CTNNA3: variants seen among roughly 807,000 people sequenced by gnomAD.
The protein encoded by CTNNA3 is catenin alpha-3.
A neutral mutation model predicts 95.7 loss-of-function variants in CTNNA3; 76 were observed. The observed-to-expected ratio is 0.79, with a 90% confidence interval of 0.66 to 0.96. CTNNA3 has a LOEUF of 0.96. Among genes scored for constraint, CTNNA3 ranks in the 40% least tolerant of loss-of-function variants. CTNNA3 has a pLI of 0.00. For synonymous variants in CTNNA3, 431 were observed against 374.4 expected (o/e 1.15, Z -1.74); for missense variants, 1,191 against 1,089.8 (o/e 1.09, Z -1.31).
chr10:66,546,357 G>T (rs560818820), intron 10 of CTNNA3, among the ~76,000 whole-genome samples: 1 of 152,164 alleles, frequency 6.6e-6, no homozygotes, highest in South Asian at 2.1e-4. Context: ...CCCCACTTTT[G>T]TAGCATCAAA....
At chr10:66,585,818 G>A (rs1843343003) in intron 10 of CTNNA3, among the ~76,000 whole-genome samples, 1 of 151,856 alleles carries the variant, frequency 6.6e-6, no homozygotes, top group Non-Finnish European at 1.5e-5. Context: ...TTTTTGAGTT[G>A]TCATAGAACA....
intron 13 of CTNNA3, among the ~76,000 whole-genome samples, chr10:66,200,768 T>C (rs2087345542): frequency 1.3e-5 from 2 of 152,232 alleles, no homozygotes; most frequent in African/African-American, 4.8e-5. Context: ...TATTAAACAT[T>C]ACCCAGCATA....
intron 1 of CTNNA3, among the ~76,000 whole-genome samples, chr10:67,737,174 A>G (rs1166365895): frequency 6.6e-6 from 1 of 152,180 alleles, no homozygotes; most frequent in African/African-American, 2.4e-5. Context: ...AACTAGAAAT[A>G]AAACCACCAT....
intron 17 of CTNNA3, among the ~76,000 whole-genome samples, chr10:65,929,314 T>C (rs1213040911): frequency 6.6e-6 from 1 of 152,164 alleles, no homozygotes. Flanking sequence ...TTGAGAAATA[T>C]GTCTTATTGG....
chr10:67,585,358 G>C (rs1842589389), intron 3 of CTNNA3, among the ~76,000 whole-genome samples: 1 of 152,186 alleles, frequency 6.6e-6, no homozygotes, highest in South Asian at 2.1e-4. Flanking sequence ...CAAAGAATGA[G>C]TTAGGGAGAA....
chr10:66,472,700 G>A (rs1839180958), intron 11 of CTNNA3, among the ~76,000 whole-genome samples: 1 of 151,908 alleles, frequency 6.6e-6, no homozygotes, highest in Non-Finnish European at 1.5e-5. Flanking sequence ...TAGCGTTTCA[G>A]AGATGTTATA....
In CTNNA3 at chr10:67,412,201, C is replaced by T. The variant is rs554964472; in HGVS notation, c.579+109641G>A. Among the ~76,000 whole-genome samples the T allele has an allele frequency of 1.1e-4, 17 of 152,210 alleles. 1 individual carries two copies. Among genetic ancestry groups the T allele is most frequent in the African/African-American group, 3.9e-4 (16 of 41,548 alleles). ...ATTATATGTATTTAAATTTATATTA[C>T]AACACTTTTCTGAGAAAGTGTAATT... On this transcript the variant is annotated intron_variant, in intron 5 of 17. Coordinates refer to ENST00000433211, the MANE Select transcript of CTNNA3 (RefSeq NM_013266.4).
At chr10:66,695,898 T>C (rs1589137200) in intron 9 of CTNNA3, among the ~76,000 whole-genome samples, 2 of 115,810 alleles carry the variant, frequency 1.7e-5, no homozygotes, top group South Asian at 7.3e-4. Context: ...CATCTAAAAA[T>C]TGGGTGAAAG....
Position 66,914,668 on chromosome 10 carries a change from A to T in CTNNA3, c.1048-139144T>A, listed in dbSNP as rs376188714. The stretch of plus-strand genomic sequence containing the variant: ...TTAAAAAGAGCTCATGGAGCTAACC[A>T]ATATGATCACCTAAATTAGGATGGG... On this transcript the variant is annotated intron_variant, in intron 7 of 17. Transcript: ENST00000433211. Among the ~76,000 whole-genome samples, 41 of 152,304 alleles carry T rather than the reference A, an allele frequency of 2.7e-4. No individual in the cohort carries two copies. The East Asian group carries it at 7.5e-3, about 28-fold the overall frequency.
intron 5 of CTNNA3, among the ~76,000 whole-genome samples, chr10:67,249,808 T>A: frequency 6.6e-6 from 1 of 152,162 alleles, no homozygotes; most frequent in Admixed American, 6.5e-5. Flanking sequence ...CCCACACTCA[T>A]TCATACTGTG....
At chr10:65,938,237 T>A (rs2077373936) in intron 17 of CTNNA3, among the ~76,000 whole-genome samples, 2 of 152,216 alleles carry the variant, frequency 1.3e-5, no homozygotes, top group Non-Finnish European at 2.9e-5. Flanking sequence ...AGAATCTTAA[T>A]GCTTTGTTTC....
chr10:66,268,641 A>G (rs2132123063), intron 13 of CTNNA3, among the ~76,000 whole-genome samples: 1 of 152,318 alleles, frequency 6.6e-6, no homozygotes, highest in South Asian at 2.1e-4. Context: ...TAACTGGAAC[A>G]AAGAGTGTGA....
At chr10:67,465,169 T>G in intron 5 of CTNNA3, among the ~76,000 whole-genome samples, 1 of 147,286 alleles carries the variant, frequency 6.8e-6, no homozygotes, top group Admixed American at 7.0e-5. Context: ...AAGCAGTAAC[T>G]TTTGATATCT....
chr10:66,789,614 C>A (rs975301522), intron 7 of CTNNA3, among the ~76,000 whole-genome samples: 3 of 152,090 alleles, frequency 2.0e-5, no homozygotes, highest in Non-Finnish European at 4.4e-5. Context: ...TGACCAAGAT[C>A]TTTTTTTATA....
intron 13 of CTNNA3, among the ~76,000 whole-genome samples, chr10:66,244,758 C>T (rs528589219): frequency 2.6e-5 from 4 of 152,234 alleles, no homozygotes; most frequent in African/African-American, 7.2e-5. Context: ...GAAAAGCCTT[C>T]CCAAGAAAGA....
chr10:67,633,009 T>C (rs1308584745), intron 2 of CTNNA3, among the ~76,000 whole-genome samples: 1 of 152,108 alleles, frequency 6.6e-6, no homozygotes, highest in African/African-American at 2.4e-5. Context: ...GGCCACCATC[T>C]CCATGGTTCA....
chr10:67,479,004 G>A (rs1362950649), intron 5 of CTNNA3, among the ~76,000 whole-genome samples: 1 of 151,902 alleles, frequency 6.6e-6, no homozygotes, highest in African/African-American at 2.4e-5. Context: ...AGTAAAAGAA[G>A]ACAAAGAAGG....
chr10:67,401,356 A>G (rs1030591537), intron 5 of CTNNA3, among the ~76,000 whole-genome samples: 1 of 152,206 alleles, frequency 6.6e-6, no homozygotes, highest in African/African-American at 2.4e-5. Context: ...ACTCCCACAG[A>G]AAGAGACCCA....
chr10:67,589,750 G>A (rs1010427068), intron 3 of CTNNA3, among the ~76,000 whole-genome samples: 21 of 152,214 alleles, frequency 1.4e-4, no homozygotes, highest in African/African-American at 4.8e-4. Flanking sequence ...GCTAAAACCT[G>A]GATAACTGAG....
Sources: allele counts gnomAD v4.1 joint callset (sites outside exome capture counted in the v4.1 genomes callset), GRCh38; gene constraint gnomAD v4.1.1; transcripts MANE v1.5; gene names NCBI Gene and HGNC (gene_info 2026-07-23, HGNC 2026-07-21).